Variants in ASTN2 observed in about 807,000 individuals in gnomAD.
ASTN2 encodes the protein astrotactin 2, also known as astrotactin-2.
A neutral mutation model predicts 139.8 loss-of-function variants in ASTN2; 54 were observed. That is an observed-to-expected ratio of 0.39 (90% CI 0.31 to 0.48). ASTN2 has a LOEUF of 0.48. ASTN2 is among the 20% of genes least tolerant of loss of function. The pLI, the probability that ASTN2 is intolerant of heterozygous loss-of-function variation, is 0.95. For synonymous variants in ASTN2, 756 were observed against 719.5 expected (o/e 1.05, Z -0.81); for missense variants, 1,565 against 1,725.1 (o/e 0.91, Z 1.64).
At chr9:116,504,932 A>G (rs1425813244) in intron 19 of ASTN2, among the ~76,000 whole-genome samples, 1 of 151,394 alleles carries the variant, frequency 6.6e-6, no homozygotes, top group Admixed American at 6.6e-5. Flanking sequence ...CAACAACAAC[A>G]AAAAACACAA....
At chr9:116,947,619 A>C (rs997505410) in intron 10 of ASTN2, among the ~76,000 whole-genome samples, 2 of 152,164 alleles carry the variant, frequency 1.3e-5, no homozygotes, top group Non-Finnish European at 2.9e-5. Context: ...CTCATTCTCA[A>C]AGCATAAAAT....
At chr9:117,208,254 A>G (rs781603121) in intron 3 of ASTN2, among the ~76,000 whole-genome samples, 7 of 152,170 alleles carry the variant, frequency 4.6e-5, no homozygotes, top group Non-Finnish European at 1.0e-4. Context: ...CAATTTAACT[A>G]TATCAAGAAA....
At chr9:117,217,217 C>T (rs1277681633) in intron 2 of ASTN2, among the ~76,000 whole-genome samples, 1 of 152,208 alleles carries the variant, frequency 6.6e-6, no homozygotes, top group Non-Finnish European at 1.5e-5. Flanking sequence ...GGTGCATCTT[C>T]TCTTCAGAGA....
chr9:116,930,695 A>G (rs1834872660), intron 10 of ASTN2, among the ~76,000 whole-genome samples: 1 of 152,170 alleles, frequency 6.6e-6, no homozygotes. Context: ...CAGGGAAGGG[A>G]GAAAAATTGG....
At chr9:117,028,526 G>T (rs1838159497) in intron 6 of ASTN2, among the ~76,000 whole-genome samples, 1 of 152,118 alleles carries the variant, frequency 6.6e-6, no homozygotes, top group Non-Finnish European at 1.5e-5. Flanking sequence ...CATCAGAGAT[G>T]CTCAAGGTCC....
intron 19 of ASTN2, among the ~76,000 whole-genome samples, chr9:116,614,359 T>G (rs1427031513): frequency 6.6e-6 from 1 of 152,126 alleles, no homozygotes; most frequent in Non-Finnish European, 1.5e-5. Context: ...CTTCACAGAA[T>G]TGGAAAAAAC....
chr9:116,984,176 C>T (rs1000631014), intron 7 of ASTN2, among the ~76,000 whole-genome samples: 21 of 152,126 alleles, frequency 1.4e-4, no homozygotes, highest in African/African-American at 4.6e-4. Flanking sequence ...TTATCCAGAC[C>T]CATTTATTCC....
At chr9:116,833,573 A>T (rs987392206) in intron 11 of ASTN2, among the ~76,000 whole-genome samples, 2 of 152,150 alleles carry the variant, frequency 1.3e-5, no homozygotes, top group Admixed American at 1.3e-4. Flanking sequence ...AAAGAAAAGG[A>T]TGAATCATGA....
rs140788287 is a variant in ASTN2 at position 117,080,350 on chromosome 9, A to G, written c.1276+15694T>C. ...CAAGTGGATGCATCATCATTTACTTAGCCATCCTCCTATTGTTGGACATTT... is the reference window on the plus strand; with the variant it reads ...CAAGTGGATGCATCATCATTTACTTGGCCATCCTCCTATTGTTGGACATTT... On this transcript the variant is annotated intron_variant, in intron 5 of 22. Coordinates refer to ENST00000313400, the MANE Select transcript of ASTN2 (RefSeq NM_001365068.1). Among the ~76,000 whole-genome samples the G allele has an allele frequency of 6.4e-3, 972 of 152,320 alleles. 5 individuals are homozygous for G. Among genetic ancestry groups the G allele is most frequent in the African/African-American group, 0.02 (832 of 41,574 alleles).
chr9:117,214,265 A>T (rs747205598), intron 3 of ASTN2, 93 bp downstream of exon 3: 129 of 1,440,338 alleles, frequency 9.0e-5, no homozygotes, highest in Non-Finnish European at 1.1e-4. Context: ...CCCAGAAAAC[A>T]CTGCCTGTAG....
At chr9:116,602,861 C>G (rs541333333) in intron 19 of ASTN2, among the ~76,000 whole-genome samples, 34 of 151,336 alleles carry the variant, frequency 2.2e-4, no homozygotes, top group African/African-American at 8.0e-4. Context: ...GCCAGGGAGG[C>G]AGAGGTTACA....
chr9:117,256,667 C>T (rs1037305517), intron 2 of ASTN2, among the ~76,000 whole-genome samples: 13 of 151,972 alleles, frequency 8.6e-5, no homozygotes, highest in South Asian at 6.2e-4. Context: ...AATAAGAATA[C>T]GGAAAAGGGA....
intron 5 of ASTN2, among the ~76,000 whole-genome samples, chr9:117,052,494 T>C (rs946362034): frequency 6.6e-6 from 1 of 151,348 alleles, no homozygotes; most frequent in Non-Finnish European, 1.5e-5. Flanking sequence ...ATGCACTGCA[T>C]AGCAGAAGCT....
chr9:116,926,678 A>T (rs1834764850), intron 10 of ASTN2, among the ~76,000 whole-genome samples: 1 of 152,172 alleles, frequency 6.6e-6, no homozygotes. Context: ...GCTTCATTTA[A>T]GTCTTTTCCA....
At chr9:117,314,264 G>A (rs895290744) in intron 1 of ASTN2, among the ~76,000 whole-genome samples, 1 of 150,992 alleles carries the variant, frequency 6.6e-6, no homozygotes, top group African/African-American at 2.4e-5. Flanking sequence ...GTGACATATA[G>A]ATGGGAAGTC....
chr9:116,897,499 G>A (rs1345191483), intron 10 of ASTN2, among the ~76,000 whole-genome samples: 1 of 152,164 alleles, frequency 6.6e-6, no homozygotes, highest in Non-Finnish European at 1.5e-5. Flanking sequence ...CTTTTCAAGT[G>A]CTTGAACATA....
At chr9:117,288,886 C>T (rs1834514504) in intron 2 of ASTN2, among the ~76,000 whole-genome samples, 1 of 152,196 alleles carries the variant, frequency 6.6e-6, no homozygotes, top group Non-Finnish European at 1.5e-5. Flanking sequence ...AACTAAACTG[C>T]CCCTATTAAC....
chr9:116,503,287 C>T (rs150623213), intron 19 of ASTN2, among the ~76,000 whole-genome samples: 7 of 151,892 alleles, frequency 4.6e-5, no homozygotes, highest in African/African-American at 1.4e-4. Context: ...CTGGTCTCAC[C>T]GCTACTCGGG....
At chr9:117,052,437 A>C (rs1188133014) in intron 5 of ASTN2, among the ~76,000 whole-genome samples, 1 of 151,074 alleles carries the variant, frequency 6.6e-6, no homozygotes, top group African/African-American at 2.4e-5. Context: ...TCCATCTTAA[A>C]AAAAAAAAAA....
Sources: gnomAD v4.1 joint callset for allele counts (sites outside exome capture counted in the v4.1 genomes callset) on GRCh38, gnomAD v4.1.1 for gene constraint, MANE v1.5 for transcripts, NCBI Gene and HGNC (gene_info 2026-07-23, HGNC 2026-07-21) for gene names.